ERC1: variants seen among roughly 807,000 people sequenced by gnomAD.
ERC1 encodes ELKS/RAB6-interacting/CAST family member 1, also known as RAB6 interacting protein 2.
In ERC1, 56 loss-of-function variants were observed where a neutral mutation model predicts 132.0. That is an observed-to-expected ratio of 0.42 (90% CI 0.34 to 0.53). ERC1 has a LOEUF of 0.53. Among genes scored for constraint, ERC1 ranks in the 20% least tolerant of loss-of-function variants. The pLI, the probability that ERC1 is intolerant of heterozygous loss-of-function variation, is 0.03. For missense variants in ERC1, 1,202 were observed against 1,349.9 expected, an observed-to-expected ratio of 0.89 and a Z score of 1.72; for synonymous variants, 478 against 476.1, an observed-to-expected ratio of 1.00 and a Z score of -0.05.
intron 3 of ERC1, among the ~76,000 whole-genome samples, chr12:1,093,981 A>ATTTTTCTATATATATATATATATATATT (rs1334718241): frequency 7.6e-6 from 1 of 132,006 alleles, no homozygotes; most frequent in African/African-American, 2.7e-5. Flanking sequence ...ATATATATAT[A>ATTTTTCTATATATATATATATATATATT]TATAGAAAAA....
At chr12:1,237,927 T>C (rs1281293382) in intron 13 of ERC1, among the ~76,000 whole-genome samples, 2 of 152,248 alleles carry the variant, frequency 1.3e-5, no homozygotes, top group African/African-American at 2.4e-5. Flanking sequence ...GGGTTTACTA[T>C]GTAGAAGCCA....
At chr12:1,084,797 G>A (rs1023637448) in intron 3 of ERC1, among the ~76,000 whole-genome samples, 5 of 151,838 alleles carry the variant, frequency 3.3e-5, no homozygotes, top group Non-Finnish European at 7.4e-5. Context: ...GCTTAGGTGA[G>A]CCTTCTGCCT....
At chr12:1,460,307 A>T (rs986968594) in intron 18 of ERC1, among the ~76,000 whole-genome samples, 1 of 152,228 alleles carries the variant, frequency 6.6e-6, no homozygotes, top group Non-Finnish European at 1.5e-5. Flanking sequence ...ATTGAGAGGC[A>T]CAGGAGTATT....
intron 1 of ERC1, among the ~76,000 whole-genome samples, chr12:1,021,812 T>C (rs1966424122): frequency 6.6e-6 from 1 of 152,148 alleles, no homozygotes; most frequent in Admixed American, 6.5e-5. Flanking sequence ...CTTATGGGAC[T>C]TGGGGATAAC....
intron 18 of ERC1, among the ~76,000 whole-genome samples, chr12:1,473,623 C>CT (rs1246750043): frequency 8.2e-5 from 8 of 97,984 alleles, no homozygotes; most frequent in South Asian, 4.2e-4. Flanking sequence ...GAGTGAGACT[C>CT]TATCTCAAAA....
chr12:1,447,220 T>C (rs915415790), intron 18 of ERC1, among the ~76,000 whole-genome samples: 1 of 151,816 alleles, frequency 6.6e-6, no homozygotes, highest in Non-Finnish European at 1.5e-5. Flanking sequence ...AAAACGATGC[T>C]TCTTAAAAGC....
At chr12:1,211,266 A>G (rs994977608) in intron 12 of ERC1, among the ~76,000 whole-genome samples, 1 of 151,972 alleles carries the variant, frequency 6.6e-6, no homozygotes, top group Non-Finnish European at 1.5e-5. Flanking sequence ...CTCCTGCCTC[A>G]GCCTCTGGAG....
At chr12:1,248,442 T>G (rs2154312837) in intron 13 of ERC1, among the ~76,000 whole-genome samples, 1 of 152,222 alleles carries the variant, frequency 6.6e-6, no homozygotes, top group African/African-American at 2.4e-5. Flanking sequence ...GGTAGTGACA[T>G]CAGAGGAGTC....
At chr12:1,053,728 A>G (rs908544027) in intron 2 of ERC1, among the ~76,000 whole-genome samples, 8 of 152,324 alleles carry the variant, frequency 5.3e-5, no homozygotes, top group African/African-American at 1.9e-4. Context: ...CTCATTAACT[A>G]AACTTTAAGA....
intron 2 of ERC1, among the ~76,000 whole-genome samples, chr12:1,075,168 A>G (rs917300804): frequency 2.6e-5 from 4 of 152,012 alleles, no homozygotes; most frequent in African/African-American, 9.7e-5. Context: ...TTCTTTTAAA[A>G]TGTTTCTTCT....
Position 1,133,147 on chromosome 12 carries a change from C to A in ERC1, c.1570-8473C>A, listed in dbSNP as rs184103655. ...TGCTGGGATTACAGGTGTGAGCCACCACACCTGGCCGGTTTTTTTTTGTTT... is the reference window on the plus strand; with the variant it reads ...TGCTGGGATTACAGGTGTGAGCCACAACACCTGGCCGGTTTTTTTTTGTTT... On this transcript the variant is annotated intron_variant, in intron 7 of 18. Coordinates refer to ENST00000360905, the MANE Select transcript of ERC1 (RefSeq NM_178040.4). Among the ~76,000 whole-genome samples the A allele has an allele frequency of 1.4e-3, 151 of 107,500 alleles. 2 individuals carry two copies. In the Admixed American group the frequency reaches 0.016, roughly 11 times the overall value. The allele number at this position is 107,500 out of a possible 152,430, so 70.5% of individuals were successfully genotyped here.
At chr12:1,329,088 T>A (rs1410402046) in intron 15 of ERC1, among the ~76,000 whole-genome samples, 5 of 144,380 alleles carry the variant, frequency 3.5e-5, no homozygotes, top group Admixed American at 3.5e-4. Context: ...GAGGTCAGGA[T>A]TTTGAGACCA....
intron 18 of ERC1, among the ~76,000 whole-genome samples, chr12:1,475,775 A>G (rs1175185011): frequency 6.6e-6 from 1 of 152,196 alleles, no homozygotes; most frequent in Non-Finnish European, 1.5e-5. Context: ...GTAGTTATGA[A>G]GCTATTGCAA....
At chr12:1,260,398 T>G (rs2077068372) in intron 13 of ERC1, among the ~76,000 whole-genome samples, 1 of 152,244 alleles carries the variant, frequency 6.6e-6, no homozygotes, top group African/African-American at 2.4e-5. Flanking sequence ...AGAAAGAGTA[T>G]TCATATTATC....
At chr12:1,465,164 A>G (rs16928471) in intron 18 of ERC1, among the ~76,000 whole-genome samples, 9,475 of 152,084 alleles carry the variant, frequency 0.062, 1,002 homozygotes, top group African/African-American at 0.22. Flanking sequence ...TCTTCCAGAG[A>G]TGATGCTCCC....
intron 14 of ERC1, among the ~76,000 whole-genome samples, chr12:1,287,144 A>T (rs2079090970): frequency 6.6e-6 from 1 of 152,238 alleles, no homozygotes; most frequent in Non-Finnish European, 1.5e-5. Context: ...ATATATATCA[A>T]AGGTTAAGAT....
intron 15 of ERC1, among the ~76,000 whole-genome samples, chr12:1,335,130 AAGACGATGGGGTTTTCT>A (rs1423221796): frequency 2.0e-5 from 3 of 152,188 alleles, no homozygotes; most frequent in Non-Finnish European, 4.4e-5. Flanking sequence ...ATTTTGGACC[AAGACGATGGGGTTTTCT>A]AGATACAGGA....
chr12:1,414,747 G>A (rs146015100), intron 17 of ERC1, among the ~76,000 whole-genome samples: 1 of 151,800 alleles, frequency 6.6e-6, no homozygotes, highest in Non-Finnish European at 1.5e-5. Flanking sequence ...ACTGTAGAAT[G>A]TAGGCCCCAT....
At chr12:1,438,954 A>AAAAAAAATATATAT (rs1015181197) in intron 17 of ERC1, among the ~76,000 whole-genome samples, 15 of 143,492 alleles carry the variant, frequency 1.0e-4, no homozygotes, top group African/African-American at 3.7e-4. Context: ...TTTAAAAAAA[A>AAAAAAAATATATAT]ATATATATAT....
Sources: allele counts gnomAD v4.1 joint callset (sites outside exome capture counted in the v4.1 genomes callset), GRCh38; gene constraint gnomAD v4.1.1; transcripts MANE v1.5; gene names NCBI Gene and HGNC (gene_info 2026-07-23, HGNC 2026-07-21).